Variants in HERC6 observed in about 807,000 individuals in gnomAD.
The protein encoded by HERC6 is probable E3 ubiquitin-protein ligase HERC6.
Under a neutral mutation model 114.5 loss-of-function variants are expected in HERC6, and 101 were observed. The ratio of observed to expected loss-of-function variants is 0.88; its 90% CI spans 0.75 to 1.04. The LOEUF (loss-of-function observed/expected upper bound fraction) is 1.04, where lower values mean the gene tolerates loss of function less well. Ranked by LOEUF, HERC6 falls within the 50% of genes least tolerant of loss-of-function variation. The pLI, the probability that HERC6 is intolerant of heterozygous loss-of-function variation, is 0.00. For missense variants in HERC6, 1,133 were observed against 1,230.9 expected (o/e 0.92, Z 1.19); for synonymous variants, 408 against 436.2 (o/e 0.94, Z 0.81).
At chr4:88,425,398 T>C (rs1737497057) in intron 15 of HERC6, among the ~76,000 whole-genome samples, 1 of 152,204 alleles carries the variant, frequency 6.6e-6, no homozygotes, top group South Asian at 2.1e-4. Flanking sequence ...ACTTTCTTTA[T>C]ATAATATGTA....
Position 88,437,762 on chromosome 4 carries a change from C to G in HERC6, c.2536C>G (p.Pro846Ala), listed in dbSNP as rs751740923. Residue 846 changes from proline to alanine, a missense_variant, in exon 20 of 23, where the codon CCT becomes GCT. Coordinates refer to ENST00000264346, the MANE Select transcript of HERC6 (RefSeq NM_017912.4). The stretch of plus-strand genomic sequence containing the variant: ...CTTAATTCCAAATGGGATCTCCATA[C>G]CTGTGGACCAAACCAACAAGTAAGT... ...VDLIPNGISI[P>A]VDQTNKRDYV... The G allele has an allele frequency of 1.2e-6, 2 of 1,607,400 alleles. No homozygotes were observed.
intron 5 of HERC6, among the ~76,000 whole-genome samples, chr4:88,395,003 G>A (rs922277854): frequency 1.4e-4 from 22 of 152,222 alleles, no homozygotes; most frequent in African/African-American, 5.3e-4. Flanking sequence ...CTTCCTGAAT[G>A]TTTTCTTCCC....
At chr4:88,394,693 T>C (rs189545710) in intron 5 of HERC6, among the ~76,000 whole-genome samples, 2 of 151,316 alleles carry the variant, frequency 1.3e-5, no homozygotes, top group Non-Finnish European at 3.0e-5. Flanking sequence ...TACAGGCGTG[T>C]GCCACCACGC....
intron 8 of HERC6, among the ~76,000 whole-genome samples, chr4:88,400,941 G>C (rs901425560): frequency 6.6e-6 from 1 of 152,102 alleles, no homozygotes; most frequent in South Asian, 2.1e-4. Flanking sequence ...CCATGGATAA[G>C]GGGGGACTGC....
intron 16 of HERC6, among the ~76,000 whole-genome samples, chr4:88,430,685 T>C (rs1042358609): frequency 6.6e-6 from 1 of 152,136 alleles, no homozygotes; most frequent in African/African-American, 2.4e-5. Flanking sequence ...CCTGCAAAGG[T>C]CTCATGCCCA....
At chr4:88,399,011 T>G (rs1007759631) in intron 8 of HERC6, 6 of 152,216 alleles carry the variant, frequency 3.9e-5, no homozygotes, top group Non-Finnish European at 8.8e-5. Context: ...TATAGTGCCT[T>G]CCTAATTGTT....
intron 12 of HERC6, among the ~76,000 whole-genome samples, chr4:88,416,866 T>A (rs1186083999): frequency 6.6e-6 from 1 of 152,166 alleles, no homozygotes; most frequent in African/African-American, 2.4e-5. Context: ...TATTTTAACA[T>A]CAAATTTATT....
intron 1 of HERC6, 54 bp downstream of exon 1, chr4:88,379,174 G>A (rs1166856286): frequency 3.6e-6 from 5 of 1,377,078 alleles, no homozygotes; most frequent in Non-Finnish European, 4.8e-6. Flanking sequence ...ATGGGCGCGG[G>A]GGCTTGGGTA....
chr4:88,406,627 G>T (rs1370039315), intron 10 of HERC6, among the ~76,000 whole-genome samples: 1 of 152,186 alleles, frequency 6.6e-6, no homozygotes, highest in African/African-American at 2.4e-5. Flanking sequence ...CAAAGATTGC[G>T]AAAGAGAATA....
intron 10 of HERC6, among the ~76,000 whole-genome samples, chr4:88,407,880 A>T (rs958681824): frequency 6.6e-6 from 1 of 152,174 alleles, no homozygotes; most frequent in Admixed American, 6.5e-5. Context: ...TTTATTTACA[A>T]TTGGGAGTCT....
intron 8 of HERC6, 75 bp from the exon 9 acceptor site, chr4:88,404,801 C>T: frequency 6.4e-7 from 1 of 1,556,598 alleles, no homozygotes; most frequent in Non-Finnish European, 8.7e-7. Context: ...CCACCCATGC[C>T]AGGTGATTTA....
chr4:88,385,500 A>G lies in HERC6; in HGVS notation c.361A>G (p.Lys121Glu). 1 of 1,390,848 alleles carries G rather than the reference A, an allele frequency of 7.2e-7. No homozygotes were observed. The highest frequency in any genetic ancestry group is 2.5e-5 in the East Asian group (1 of 39,392). 86.2% of individuals were successfully genotyped at this position (1,390,848 alleles called of 1,614,324 possible). A position where few individuals can be genotyped will look rare whatever the true frequency, so the allele number is the denominator to read the frequency against. Residue 121 changes from lysine to glutamate, a missense_variant and splice_region_variant, in exon 3 of 23, where the codon AAA becomes GAA. Coordinates refer to ENST00000264346, the MANE Select transcript of HERC6 (RefSeq NM_017912.4). ...EFKEISFTPK[K>E]IMTLNDIKII... ...AATTTTGTATTATTTGTATTATAGG[A>G]AAATAATGACTCTGAATGATATAAA...
chr4:88,393,314 A>T (rs1203681569), intron 4 of HERC6, among the ~76,000 whole-genome samples, 174 bp from the exon 5 acceptor site: 1 of 152,018 alleles, frequency 6.6e-6, no homozygotes, highest in Non-Finnish European at 1.5e-5. Context: ...TAAAAAAAAA[A>T]GATATTAAAA....
intron 16 of HERC6, among the ~76,000 whole-genome samples, chr4:88,429,672 T>C (rs1263256216): frequency 2.0e-5 from 3 of 152,166 alleles, no homozygotes. Flanking sequence ...GAGGAAGAGT[T>C]GGGCTGTTAG....
At chr4:88,434,244 T>G (rs1738521191) in intron 17 of HERC6, among the ~76,000 whole-genome samples, 1 of 152,212 alleles carries the variant, frequency 6.6e-6, no homozygotes, top group African/African-American at 2.4e-5. Flanking sequence ...TGATGGTGAG[T>G]GTGTCATTTA....
intron 17 of HERC6, among the ~76,000 whole-genome samples, chr4:88,432,916 A>C (rs1293805404): frequency 7.3e-5 from 11 of 150,394 alleles, no homozygotes; most frequent in African/African-American, 2.2e-4. Flanking sequence ...GTGAAACCCT[A>C]TCTCTACTAA....
intron 8 of HERC6, among the ~76,000 whole-genome samples, chr4:88,400,148 C>T (rs1242306915): frequency 1.3e-5 from 2 of 152,198 alleles, no homozygotes; most frequent in African/African-American, 4.8e-5. Context: ...ACTGGCCAAA[C>T]AAGCCAAGAG....
At chr4:88,405,475 C>A in intron 9 of HERC6, 79 bp from the exon 10 acceptor site, 1 of 659,410 alleles carries the variant, frequency 1.5e-6, no homozygotes, top group Non-Finnish European at 2.5e-6. Context: ...TCATCATTTA[C>A]TTATTCAGAC....
chr4:88,381,758 A>G (rs1253391922), intron 1 of HERC6, among the ~76,000 whole-genome samples: 1 of 151,776 alleles, frequency 6.6e-6, no homozygotes, highest in Non-Finnish European at 1.5e-5. Context: ...GGGTTTCACT[A>G]TGTTGGTCAG....
Sources: gnomAD v4.1 joint callset for allele counts (sites outside exome capture counted in the v4.1 genomes callset) on GRCh38, gnomAD v4.1.1 for gene constraint, MANE v1.5 for transcripts, NCBI Gene and HGNC (gene_info 2026-07-23, HGNC 2026-07-21) for gene names.